Variants in CHGB observed in about 807,000 individuals in gnomAD.
CHGB encodes chromogranin B.
CHGB carries 46 observed loss-of-function variants against 69.9 expected under a neutral mutation model. The ratio of observed to expected loss-of-function variants is 0.66; its 90% confidence interval spans 0.52 to 0.84. The LOEUF (loss-of-function observed/expected upper bound fraction) is 0.84, where lower values mean the gene tolerates loss of function less well. Ranked by LOEUF, CHGB falls within the 40% of genes least tolerant of loss-of-function variation. The probability of loss-of-function intolerance (pLI) is 0.00; values close to 1 mark genes in which losing one functional copy is unlikely to be tolerated. For missense variants in CHGB, 796 were observed against 822.2 expected, an observed-to-expected ratio of 0.97 and a Z score of 0.39; for synonymous variants, 312 against 298.2, an observed-to-expected ratio of 1.05 and a Z score of -0.48.
At position 5,922,491 on chromosome 20, in the gene CHGB, C is replaced by T. The variant is rs367915171; in HGVS notation, c.347C>T (p.Thr116Ile). Residue 116 changes from threonine to isoleucine, a missense_variant, in exon 4 of 5, where the codon ACA becomes ATA. Thr to Ile is a moderately conservative substitution (Grantham distance 89, BLOSUM62 -1). Coordinates refer to ENST00000378961, the MANE Select transcript of CHGB (RefSeq NM_001819.3). ...APGEEDIQGPTKADTEKWAEG... is the reference protein window; with the variant it reads ...APGEEDIQGPIKADTEKWAEG... Reference sequence around the variant, plus strand: ...GGGGAGGAGGACATCCAAGGCCCAACAAAGGCAGACACAGAGAAATGGGCA... The same window carrying T: ...GGGGAGGAGGACATCCAAGGCCCAATAAAGGCAGACACAGAGAAATGGGCA... 14 of 1,613,190 alleles carry T rather than the reference C, an allele frequency of 8.7e-6. No homozygotes were observed. The highest frequency in any genetic ancestry group is 1.1e-5 in the Non-Finnish European group (13 of 1,179,520).
chr20:5,912,802 G>A (rs895165790), intron 1 of CHGB, among the ~76,000 whole-genome samples: 5 of 152,056 alleles, frequency 3.3e-5, no homozygotes, highest in East Asian at 1.9e-4. Flanking sequence ...CTCCTACCTA[G>A]AATTGAGATA....
At chr20:5,922,217 TTAAA>T in intron 3 of CHGB, 114 bp from the exon 4 acceptor site, 1 of 1,326,220 alleles carries the variant, frequency 7.5e-7, no homozygotes, top group East Asian at 2.6e-5. Context: ...CTTCATTAAC[TTAAA>T]TAATTATCCA....
chr20:5,912,904 T>C (rs2088454455), intron 1 of CHGB, among the ~76,000 whole-genome samples: 1 of 152,202 alleles, frequency 6.6e-6, no homozygotes, highest in South Asian at 2.1e-4. Context: ...TTAATTTTAT[T>C]GTAAGCTATA....
chr20:5,912,153 T>C (rs1338125239), intron 1 of CHGB, among the ~76,000 whole-genome samples: 1 of 152,234 alleles, frequency 6.6e-6, no homozygotes, highest in Admixed American at 6.5e-5. Context: ...TATTGTCATG[T>C]AAGTATGATG....
rs771489763 is a variant in CHGB, at chr20:5,923,546, G to A, written c.1402G>A (p.Asp468Asn). The A allele has an allele frequency of 2.5e-6, 4 of 1,614,174 alleles. No individual in the cohort carries two copies. Among genetic ancestry groups the A allele is most frequent in the Non-Finnish European group, 2.5e-6 (3 of 1,180,046 alleles). The part of the protein sequence containing the change: ...RHPQGAWKEL[D>N]RNYLNYGEEG... ...TCCACAAGGTGCGTGGAAAGAGCTGGACAGAAATTATCTCAACTACGGTGA... is the reference window on the plus strand; with the variant it reads ...TCCACAAGGTGCGTGGAAAGAGCTGAACAGAAATTATCTCAACTACGGTGA... Residue 468 changes from aspartate to asparagine, a missense_variant, in exon 4 of 5, where the codon GAC becomes AAC. Transcript: ENST00000378961.
rs766422129 is a variant in CHGB at position 5,923,011 on chromosome 20, G to A, written c.867G>A (p.Arg289=). The change falls in exon 4 of 5, where the codon AGG becomes AGA. Residue 289 remains arginine, a synonymous_variant. Transcript: ENST00000378961. ...TRPRHHHGRS[R]PDRSSQGGSL... is the part of the protein sequence containing the mutation. Reference sequence around the variant, plus strand: ...CCAGACACCACCACGGGAGGAGCAGGCCCGACAGGTCCTCTCAAGGAGGGA... The same window carrying A: ...CCAGACACCACCACGGGAGGAGCAGACCCGACAGGTCCTCTCAAGGAGGGA... The A allele has an allele frequency of 8.7e-6, 14 of 1,611,574 alleles. No homozygotes were observed. Among genetic ancestry groups the A allele is most frequent in the South Asian group, 1.1e-5 (1 of 90,846 alleles).
chr20:5,920,930 A>T (rs866571954), intron 3 of CHGB, among the ~76,000 whole-genome samples: 7 of 152,234 alleles, frequency 4.6e-5, no homozygotes, highest in South Asian at 2.1e-4. Context: ...TATTTCTTGG[A>T]CATTTTTACA....
chr20:5,920,466 T>C (rs920124114), intron 3 of CHGB, among the ~76,000 whole-genome samples: 1 of 152,214 alleles, frequency 6.6e-6, no homozygotes, highest in African/African-American at 2.4e-5. Flanking sequence ...TCAGAGTGTC[T>C]TATGAGGGCC....
chr20:5,919,827 C>T (rs1006985602), intron 3 of CHGB, among the ~76,000 whole-genome samples: 5 of 152,312 alleles, frequency 3.3e-5, no homozygotes, highest in Admixed American at 6.5e-5. Context: ...ACCCCACGCC[C>T]ATCTCCACTC....
intron 3 of CHGB, 41 bp from the exon 4 acceptor site, chr20:5,922,294 A>G (rs762255502): frequency 5.3e-6 from 8 of 1,500,234 alleles, no homozygotes; most frequent in Middle Eastern, 1.8e-4. Context: ...TGGAACCACA[A>G]GCAATTCTGA....
chr20:5,921,863 A>G (rs2088515862), intron 3 of CHGB, among the ~76,000 whole-genome samples: 1 of 152,232 alleles, frequency 6.6e-6, no homozygotes, highest in Non-Finnish European at 1.5e-5. Context: ...CTAGTTAACT[A>G]TCTAGCTGGA....
rs963805553 is a variant in CHGB at position 5,911,643 on chromosome 20, A to G, written c.10A>G (p.Thr4Ala). 4 of 1,511,790 alleles carry G rather than the reference A, an allele frequency of 2.6e-6. No individual in the cohort carries two copies. The highest frequency in any genetic ancestry group is 3.5e-6 in the Non-Finnish European group (4 of 1,134,710). The allele number at this position is 1,511,790 out of a possible 1,614,324, so 93.6% of individuals were successfully genotyped here. A position where few individuals can be genotyped will look rare whatever the true frequency, so the allele number is the denominator to read the frequency against. The change falls in exon 1 of 5, where the codon ACG becomes GCG. Residue 4 changes from threonine to alanine, a missense_variant. Thr to Ala is a moderately conservative substitution (Grantham distance 58). Around this residue, in one of 3 missense-constraint regions of CHGB, gnomAD observed 518 missense variants for 506.3 expected, o/e 1.02. Transcript: ENST00000378961. ...GCCGCCGAGCGGGGCCATGCAGCCA[A>G]CGCTGCTTCTCAGCCTCCTGGGAGC... is the stretch of plus-strand genomic sequence containing the variant. MQP[T>A]LLLSLLGAVG...
chr20:5,922,304 AAATTATACCTACTCTTCAT>A lies in CHGB; in HGVS notation c.191-30_191-12del. On this transcript the variant is annotated splice_polypyrimidine_tract_variant and intron_variant, in intron 3 of 4. Coordinates refer to ENST00000378961, the MANE Select transcript of CHGB (RefSeq NM_001819.3). ...GCTTGTGGAACCACAAGCAATTCTGAAATTATACCTACTCTTCATTTTCATTATAGGTAGAAAAGACGTC... is the reference window on the plus strand; with the variant it reads ...GCTTGTGGAACCACAAGCAATTCTGATTTCATTATAGGTAGAAAAGACGTC... 1 of 1,504,162 alleles carries A rather than the reference AAATTATACCTACTCTTCAT, an allele frequency of 6.6e-7. No individual in the cohort carries two copies. The highest frequency in any genetic ancestry group is 1.4e-5 in the South Asian group (1 of 71,298). 93.2% of individuals were successfully genotyped at this position (1,504,162 alleles called of 1,614,324 possible). A position where few individuals can be genotyped will look rare whatever the true frequency, so the allele number is the denominator to read the frequency against.
chr20:5,919,035 G>C (rs1311834823), intron 3 of CHGB, among the ~76,000 whole-genome samples: 2 of 151,966 alleles, frequency 1.3e-5, no homozygotes, highest in African/African-American at 4.8e-5. Flanking sequence ...AGAGCAGAGT[G>C]GGTCACTAGG....
chr20:5,923,024 T>C lies in CHGB; in HGVS notation c.880T>C (p.Ser294Pro). The C allele has an allele frequency of 6.2e-7, 1 of 1,612,710 alleles. No individual in the cohort carries two copies. The highest frequency in any genetic ancestry group is 8.5e-7 in the Non-Finnish European group (1 of 1,179,434). Residue 294 changes from serine to proline, a missense_variant, in exon 4 of 5, where the codon TCT becomes CCT. Ser to Pro is a moderately conservative substitution (Grantham distance 74, BLOSUM62 -1). This residue lies in a region of CHGB where 518 missense variants were observed against 506.3 expected (regional missense o/e 1.02). Coordinates refer to ENST00000378961, the MANE Select transcript of CHGB (RefSeq NM_001819.3). Reference protein sequence around the residue: ...HHGRSRPDRSSQGGSLPSEEK... With the variant: ...HHGRSRPDRSPQGGSLPSEEK... ...CGGGAGGAGCAGGCCCGACAGGTCC[T>C]CTCAAGGAGGGAGTCTTCCCTCTGA...
chr20:5,913,683 G>C (rs1304105757), intron 1 of CHGB, among the ~76,000 whole-genome samples: 1 of 138,918 alleles, frequency 7.2e-6, no homozygotes, highest in Non-Finnish European at 1.5e-5. Context: ...AGGCTGGAGT[G>C]CGGTGGTGCA....
At chr20:5,915,060 G>A (rs1312956312) in intron 1 of CHGB, among the ~76,000 whole-genome samples, 1 of 152,162 alleles carries the variant, frequency 6.6e-6, no homozygotes, top group Non-Finnish European at 1.5e-5. Flanking sequence ...TCTTCTCAGG[G>A]ACTTAGAAGA....
At position 5,923,194 on chromosome 20, in the gene CHGB, C is replaced by A. The variant is rs755828534; in HGVS notation, c.1050C>A (p.Gly350=). The A allele has an allele frequency of 6.2e-7, 1 of 1,613,788 alleles. No homozygotes were observed. Among genetic ancestry groups the A allele is most frequent in the Admixed American group, 1.7e-5 (1 of 60,010 alleles). Residue 350 remains glycine, a synonymous_variant, in exon 4 of 5, where the codon GGC becomes GGA. Transcript: ENST00000378961. Reference sequence around the variant, plus strand: ...GAGAAGAAATAAAGGGTTATCCAGGCGTCCAGGCCCCTGAGGACCTGGAGT... The same window carrying A: ...GAGAAGAAATAAAGGGTTATCCAGGAGTCCAGGCCCCTGAGGACCTGGAGT... ...EYGEEIKGYP[G]VQAPEDLEWE... is the part of the protein sequence containing the mutation.
intron 3 of CHGB, among the ~76,000 whole-genome samples, chr20:5,922,051 T>C (rs1356630082): frequency 6.6e-6 from 1 of 152,206 alleles, no homozygotes; most frequent in Non-Finnish European, 1.5e-5. Context: ...ATTTCATAAA[T>C]CTATATCTCG....
Sources: gnomAD v4.1 joint callset for allele counts (sites outside exome capture counted in the v4.1 genomes callset) on GRCh38, gnomAD v4.1.1 for gene constraint, gnomAD v4.1.1 regional missense constraint, MANE v1.5 for transcripts, NCBI Gene and HGNC (gene_info 2026-07-23, HGNC 2026-07-21) for gene names.